Variants in CSNK2A2IP observed in about 807,000 individuals in gnomAD.
The protein encoded by CSNK2A2IP is casein kinase II subunit alpha'-interacting protein.
the CSNK2A2IP span, among the ~76,000 whole-genome samples, chr3:88,344,611 G>A: frequency 6.6e-6 from 1 of 151,890 alleles, no homozygotes; most frequent in African/African-American, 2.4e-5. Context: ...AAAAGTCTAT[G>A]TAGTTAACCT....
the CSNK2A2IP span, among the ~76,000 whole-genome samples, chr3:88,375,865 T>TCTGTCC: frequency 2.0e-5 from 3 of 151,762 alleles, no homozygotes; most frequent in Non-Finnish European, 2.9e-5. Context: ...CAATGGCCAC[T>TCTGTCC]CTGTCCCTTT....
At chr3:88,438,429 A>C in the CSNK2A2IP span, among the ~76,000 whole-genome samples, 1 of 152,106 alleles carries the variant, frequency 6.6e-6, no homozygotes, top group Non-Finnish European at 1.5e-5. Context: ...GGTGGGTCAC[A>C]TTTTATGGCA....
At chr3:88,345,289 T>C in the CSNK2A2IP span, among the ~76,000 whole-genome samples, 14 of 152,180 alleles carry the variant, frequency 9.2e-5, no homozygotes, top group Admixed American at 3.3e-4. Context: ...TTAATTCATG[T>C]TATTAAATTC....
chr3:88,396,404 C>T, the CSNK2A2IP span, among the ~76,000 whole-genome samples: 26 of 152,212 alleles, frequency 1.7e-4, no homozygotes, highest in African/African-American at 5.3e-4. Context: ...CGCGCCCGGC[C>T]GACTACCTAC....
At chr3:88,351,218 TA>T in the CSNK2A2IP span, among the ~76,000 whole-genome samples, 80 of 152,250 alleles carry the variant, frequency 5.3e-4, 1 homozygote, top group Admixed American at 4.3e-3. Flanking sequence ...TCTTATCCTT[TA>T]ATAACAAATT....
chr3:88,368,767 ACC>A, the CSNK2A2IP span, among the ~76,000 whole-genome samples: 1 of 152,030 alleles, frequency 6.6e-6, no homozygotes, highest in East Asian at 1.9e-4. Context: ...TTTGATCTGT[ACC>A]CCTTGAAGGG....
chr3:88,402,231 G>A, the CSNK2A2IP span, among the ~76,000 whole-genome samples: 1 of 151,914 alleles, frequency 6.6e-6, no homozygotes, highest in African/African-American at 2.4e-5. Context: ...TTGATTTTAT[G>A]TTCACCAAAA....
At chr3:88,362,470 C>T in the CSNK2A2IP span, among the ~76,000 whole-genome samples, 1 of 152,156 alleles carries the variant, frequency 6.6e-6, no homozygotes. Context: ...GAAAAGGAGA[C>T]TTTCCCTGCA....
At chr3:88,413,330 G>GT in the CSNK2A2IP span, among the ~76,000 whole-genome samples, 1 of 151,920 alleles carries the variant, frequency 6.6e-6, no homozygotes, top group African/African-American at 2.4e-5. Flanking sequence ...AGGAGAAGGT[G>GT]TAACTCTTAT....
the CSNK2A2IP span, among the ~76,000 whole-genome samples, chr3:88,367,126 TC>T: frequency 6.6e-6 from 1 of 152,078 alleles, no homozygotes; most frequent in Non-Finnish European, 1.5e-5. Flanking sequence ...CAGGGCATAA[TC>T]AATATTGTAA....
the CSNK2A2IP span, among the ~76,000 whole-genome samples, chr3:88,405,857 A>G: frequency 6.6e-6 from 1 of 152,180 alleles, no homozygotes; most frequent in East Asian, 1.9e-4. Flanking sequence ...GGGAGCTTGC[A>G]GAACAAAAAT....
At chr3:88,464,316 TAATA>T in the CSNK2A2IP span, among the ~76,000 whole-genome samples, 91,739 of 148,956 alleles carry the variant, frequency 0.62, 31,908 homozygotes, top group Non-Finnish European at 0.76. Context: ...GGTATAATAA[TAATA>T]AATAAATAAA....
At chr3:88,338,459 C>T in the CSNK2A2IP span, 2 of 152,122 alleles carry the variant, frequency 1.3e-5, no homozygotes, top group South Asian at 2.1e-4. Flanking sequence ...CTTGTTCACA[C>T]TCCACACCCT....
chr3:88,421,625 C>T, the CSNK2A2IP span, among the ~76,000 whole-genome samples: 1 of 152,100 alleles, frequency 6.6e-6, no homozygotes, highest in Non-Finnish European at 1.5e-5. Context: ...CTATGTTGGC[C>T]AGTCTGGTCT....
the CSNK2A2IP span, among the ~76,000 whole-genome samples, chr3:88,358,365 C>T: frequency 6.6e-6 from 1 of 152,094 alleles, no homozygotes; most frequent in East Asian, 1.9e-4. Context: ...ACTTCCAATA[C>T]TATAGTGAAT....
At chr3:88,411,217 G>C in the CSNK2A2IP span, among the ~76,000 whole-genome samples, 1 of 151,824 alleles carries the variant, frequency 6.6e-6, no homozygotes, top group African/African-American at 2.4e-5. Context: ...TTGTTTGTGG[G>C]CATAGAACAA....
the CSNK2A2IP span, among the ~76,000 whole-genome samples, chr3:88,436,152 G>A: frequency 1.6e-4 from 24 of 151,890 alleles, no homozygotes; most frequent in African/African-American, 5.8e-4. Flanking sequence ...TTAACAAGGT[G>A]AAATACATTA....
At chr3:88,351,412 T>G in the CSNK2A2IP span, among the ~76,000 whole-genome samples, 1 of 152,024 alleles carries the variant, frequency 6.6e-6, no homozygotes, top group Non-Finnish European at 1.5e-5. Context: ...ATTTCTTTTT[T>G]TCCTAAATTC....
the CSNK2A2IP span, among the ~76,000 whole-genome samples, chr3:88,361,596 G>C: frequency 4.6e-5 from 7 of 152,046 alleles, no homozygotes; most frequent in Admixed American, 2.6e-4. Flanking sequence ...CCTTGAGGTA[G>C]TCTTATTTGA....
Sources: allele counts gnomAD v4.1 joint callset (sites outside exome capture counted in the v4.1 genomes callset), GRCh38; gene constraint gnomAD v4.1.1; transcripts MANE v1.5; gene names NCBI Gene and HGNC (gene_info 2026-07-23, HGNC 2026-07-21).